The following SASH1 variants were observed in gnomAD, a reference collection of about 807,000 sequenced individuals.
The protein encoded by SASH1 is SAM and SH3 domain containing 1.
In SASH1, 44 loss-of-function variants were observed where a neutral mutation model predicts 125.2. The observed-to-expected ratio is 0.35, with a 90% CI of 0.28 to 0.45. The LOEUF is 0.45. Among genes scored for constraint, SASH1 ranks in the 20% least tolerant of loss-of-function variants. The pLI is 1.00. For synonymous variants in SASH1, 639 were observed against 649.1 expected, an observed-to-expected ratio of 0.98 and a Z score of 0.24; for missense variants, 1,426 against 1,614.5, an observed-to-expected ratio of 0.88 and a Z score of 2.00.
intron 2 of SASH1, among the ~76,000 whole-genome samples, chr6:148,431,019 G>A (rs1475007440): frequency 1.3e-5 from 2 of 152,186 alleles, no homozygotes; most frequent in African/African-American, 4.8e-5. Context: ...AGCAGAACTG[G>A]ACTCCAGTCT....
chr6:148,333,600 C>T (rs1781058559), intron 1 of SASH1, among the ~76,000 whole-genome samples: 2 of 152,186 alleles, frequency 1.3e-5, no homozygotes, highest in Admixed American at 6.5e-5. Flanking sequence ...CTTACTCTGT[C>T]GCCCAGGCTG....
chr6:148,359,749 T>G (rs929001890), intron 1 of SASH1, among the ~76,000 whole-genome samples: 5 of 152,044 alleles, frequency 3.3e-5, no homozygotes, highest in Admixed American at 6.6e-5. Context: ...GCAGATTTCT[T>G]TATTGTCTTT....
chr6:148,330,478 A>T (rs1342766579), intron 1 of SASH1, among the ~76,000 whole-genome samples: 2 of 152,218 alleles, frequency 1.3e-5, no homozygotes, highest in Non-Finnish European at 2.9e-5. Context: ...TTGATAAATC[A>T]ATTTGGTTGA....
the SASH1 span, among the ~76,000 whole-genome samples, chr6:148,244,135 T>C: frequency 6.6e-6 from 1 of 152,182 alleles, no homozygotes; most frequent in Non-Finnish European, 1.5e-5. Context: ...AATTTTGTTC[T>C]TTGCTCTCAA....
chr6:148,313,097 G>A (rs995072758), intron 1 of SASH1, among the ~76,000 whole-genome samples: 2 of 152,160 alleles, frequency 1.3e-5, no homozygotes, highest in Admixed American at 1.3e-4. Context: ...GACCAACTGA[G>A]CCAAACCTCA....
chr6:148,211,544 C>T, the SASH1 span, among the ~76,000 whole-genome samples: 6 of 151,010 alleles, frequency 4.0e-5, no homozygotes, highest in Admixed American at 1.3e-4. Context: ...GCACTCCAGC[C>T]TGGGCTATAC....
At chr6:148,292,728 G>A (rs928562692) in intron 1 of SASH1, among the ~76,000 whole-genome samples, 3 of 152,128 alleles carry the variant, frequency 2.0e-5, no homozygotes, top group Admixed American at 6.5e-5. Context: ...TCCATTGATC[G>A]TAGGTTCAAT....
the SASH1 span, among the ~76,000 whole-genome samples, chr6:148,223,744 TA>T: frequency 6.6e-6 from 1 of 152,228 alleles, no homozygotes; most frequent in African/African-American, 2.4e-5. Context: ...TAGCCTACTT[TA>T]TTCAATAAAG....
At chr6:148,247,935 C>T in the SASH1 span, among the ~76,000 whole-genome samples, 7 of 152,314 alleles carry the variant, frequency 4.6e-5, no homozygotes, top group African/African-American at 1.7e-4. Context: ...CTGTTCTGAG[C>T]ATGGTAATTG....
At chr6:148,444,387 G>T (rs1023485048) in intron 4 of SASH1, among the ~76,000 whole-genome samples, 2 of 152,168 alleles carry the variant, frequency 1.3e-5, no homozygotes, top group Non-Finnish European at 2.9e-5. Context: ...TGAGATTTCC[G>T]ACATACCTGG....
At chr6:148,211,809 T>C in the SASH1 span, among the ~76,000 whole-genome samples, 1 of 152,170 alleles carries the variant, frequency 6.6e-6, no homozygotes, top group Non-Finnish European at 1.5e-5. Context: ...GGGTGGCCTG[T>C]GACGGCTGCT....
At chr6:148,299,227 A>C (rs1779864895) in intron 1 of SASH1, among the ~76,000 whole-genome samples, 1 of 152,198 alleles carries the variant, frequency 6.6e-6, no homozygotes, top group African/African-American at 2.4e-5. Flanking sequence ...GTGAAGTTTA[A>C]ACTATAGCCA....
intron 1 of SASH1, among the ~76,000 whole-genome samples, chr6:148,383,064 G>GAAC (rs1783212851): frequency 1.3e-5 from 2 of 152,350 alleles, no homozygotes; most frequent in Non-Finnish European, 2.9e-5. Flanking sequence ...AATGTCTGCA[G>GAAC]AACGACGACG....
chr6:148,210,416 C>T, the SASH1 span, among the ~76,000 whole-genome samples: 26 of 152,272 alleles, frequency 1.7e-4, no homozygotes, highest in African/African-American at 6.0e-4. Flanking sequence ...GCCTATAATC[C>T]CAGCTACTTG....
At chr6:148,370,199 T>C (rs1782656877) in intron 1 of SASH1, among the ~76,000 whole-genome samples, 1 of 152,166 alleles carries the variant, frequency 6.6e-6, no homozygotes, top group Non-Finnish European at 1.5e-5. Flanking sequence ...CTTTTAAGTC[T>C]ATCTGTACAT....
At chr6:148,331,770 CAGCCTT>C (rs1781001534) in intron 1 of SASH1, among the ~76,000 whole-genome samples, 1 of 152,080 alleles carries the variant, frequency 6.6e-6, no homozygotes, top group African/African-American at 2.4e-5. Context: ...TGGCTCATTG[CAGCCTT>C]GACCTCTCAG....
chr6:148,372,990 T>C (rs1198486470), intron 1 of SASH1, among the ~76,000 whole-genome samples: 1 of 151,894 alleles, frequency 6.6e-6, no homozygotes, highest in Non-Finnish European at 1.5e-5. Flanking sequence ...AGGTCAGGAG[T>C]TCGAGACCAG....
At chr6:148,547,487 G>T (rs796902811) in intron 19 of SASH1, among the ~76,000 whole-genome samples, 1 of 152,134 alleles carries the variant, frequency 6.6e-6, no homozygotes, top group African/African-American at 2.4e-5. Context: ...TAAGCAGGGG[G>T]GTGGCTATTG....
the SASH1 span, among the ~76,000 whole-genome samples, chr6:148,227,712 C>A: frequency 0.031 from 4,724 of 152,230 alleles, 235 homozygotes; most frequent in African/African-American, 0.11. Flanking sequence ...ATGTTGTAAT[C>A]CCTCTCCAAT....
Sources: gnomAD v4.1 joint callset for allele counts (sites outside exome capture counted in the v4.1 genomes callset) on GRCh38, gnomAD v4.1.1 for gene constraint, MANE v1.5 for transcripts, NCBI Gene and HGNC (gene_info 2026-07-23, HGNC 2026-07-21) for gene names.